The following VPS35L variants were observed in gnomAD, a reference collection of about 807,000 sequenced individuals.
VPS35L encodes VPS35 endosomal protein sorting factor like, also known as VPS35 endosomal protein-sorting factor-like.
A neutral mutation model predicts 133.0 loss-of-function variants in VPS35L; 83 were observed. The observed-to-expected ratio is 0.62, with a 90% CI of 0.52 to 0.75. The LOEUF (loss-of-function observed/expected upper bound fraction) is 0.75, where lower values mean the gene tolerates loss of function less well. Among genes scored for constraint, VPS35L ranks in the 30% least tolerant of loss-of-function variants. VPS35L has a pLI of 0.00. For synonymous variants in VPS35L, 423 were observed against 449.9 expected, an observed-to-expected ratio of 0.94 and a Z score of 0.76; for missense variants, 1,083 against 1,206.8, an observed-to-expected ratio of 0.90 and a Z score of 1.52.
chr16:19,662,263 G>A (rs1054934294), intron 26 of VPS35L, among the ~76,000 whole-genome samples: 1 of 152,052 alleles, frequency 6.6e-6, no homozygotes, highest in African/African-American at 2.4e-5. Context: ...CTAGCACTTT[G>A]GGAGGCAGAG....
In VPS35L at chr16:19,610,216, T is replaced by C. The variant is rs112397562; in HGVS notation, c.930-106T>C. 5.9e-3 allele frequency: 5,574 copies of C among 939,574 alleles called. 141 individuals are homozygous for C. In the African/African-American group the frequency reaches 0.063, roughly 11 times the overall value. The allele number at this position is 939,574 out of a possible 1,614,324, so 58.2% of individuals were successfully genotyped here. On this transcript the variant is annotated intron_variant, in intron 11 of 30. Transcript: ENST00000417362. The stretch of plus-strand genomic sequence containing the variant: ...TGGTTTGTTACTGAAACTTGATTTT[T>C]CCCCCCCTCCCTGAAATTTAGGAAG...
At chr16:19,648,900 A>G (rs1974039128) in intron 24 of VPS35L, among the ~76,000 whole-genome samples, 1 of 148,944 alleles carries the variant, frequency 6.7e-6, no homozygotes, top group Admixed American at 6.7e-5. Context: ...AAAAAAAGTT[A>G]GGTTCAGACA....
intron 27 of VPS35L, 33 bp downstream of exon 27, chr16:19,669,332 C>T (rs371998449): frequency 3.3e-5 from 52 of 1,579,708 alleles, no homozygotes; most frequent in Non-Finnish European, 4.0e-5. Flanking sequence ...CAGGACATGT[C>T]TTCCTTTCAC....
intron 12 of VPS35L, among the ~76,000 whole-genome samples, chr16:19,612,174 T>G (rs970618103): frequency 6.6e-6 from 1 of 152,112 alleles, no homozygotes; most frequent in East Asian, 1.9e-4. Context: ...CTTGACCTCA[T>G]GATCCGCCTG....
At chr16:19,646,982 C>T (rs951977791) in intron 23 of VPS35L, among the ~76,000 whole-genome samples, 1 of 152,164 alleles carries the variant, frequency 6.6e-6, no homozygotes, top group Non-Finnish European at 1.5e-5. Context: ...CCAAAGCTGA[C>T]TGAGATGAAA....
chr16:19,626,618 C>T (rs901577415), intron 15 of VPS35L, among the ~76,000 whole-genome samples: 9 of 151,798 alleles, frequency 5.9e-5, no homozygotes, highest in African/African-American at 1.7e-4. Flanking sequence ...AATAACTAGC[C>T]GGGCTTGGTG....
chr16:19,625,167 ATCCCAGTCTGCCCAGGTTCATG>A (rs1221025735), intron 14 of VPS35L, among the ~76,000 whole-genome samples: 1 of 152,138 alleles, frequency 6.6e-6, no homozygotes, highest in African/African-American at 2.4e-5. Context: ...GTGGCCTTTG[ATCCCAGTCTGCCCAGGTTCATG>A]TCTGCCTGCC....
chr16:19,620,143 T>C (rs997246628), intron 14 of VPS35L, among the ~76,000 whole-genome samples: 1 of 152,184 alleles, frequency 6.6e-6, no homozygotes, highest in Non-Finnish European at 1.5e-5. Context: ...CGCCATAGAA[T>C]GTTTAAAATA....
rs75258350 is a variant in VPS35L, at chr16:19,608,294, T to C, written c.881+20T>C. On this transcript the variant is annotated intron_variant, in intron 10 of 30. Transcript: ENST00000417362. ...AAGATTGTATCCTTTTTTTTTTTTT[T>C]GGTCTGATGATTTTAAAGATAGGCT... 28 of 1,331,756 alleles carry C rather than the reference T, an allele frequency of 2.1e-5. No homozygotes were observed. Among genetic ancestry groups the C allele is most frequent in the Non-Finnish European group, 2.9e-5 (27 of 929,130 alleles). The allele number at this position is 1,331,756 out of a possible 1,614,324, so 82.5% of individuals were successfully genotyped here.
chr16:19,647,059 T>C (rs7197579), intron 23 of VPS35L, among the ~76,000 whole-genome samples: 70,125 of 152,068 alleles, frequency 0.46, 17,970 homozygotes, highest in African/African-American at 0.69. Flanking sequence ...TTGATTAGTC[T>C]ACCTGACTCT....
intron 27 of VPS35L, among the ~76,000 whole-genome samples, chr16:19,672,580 G>A (rs538869100): frequency 1.3e-5 from 2 of 152,186 alleles, no homozygotes; most frequent in Non-Finnish European, 2.9e-5. Flanking sequence ...AGAGGGGAGC[G>A]AGGTCAGGAG....
chr16:19,596,582 A>G (rs1004907241), intron 8 of VPS35L, among the ~76,000 whole-genome samples: 4 of 151,932 alleles, frequency 2.6e-5, no homozygotes, highest in Non-Finnish European at 4.4e-5. Flanking sequence ...GCCTAAATGC[A>G]TGTACATTTA....
At position 19,633,508 on chromosome 16, in the gene VPS35L, A is replaced by T. The variant is rs72767580; in HGVS notation, c.1635+336A>T. On this transcript the variant is annotated intron_variant, in intron 19 of 30. Coordinates refer to ENST00000417362, the MANE Select transcript of VPS35L (RefSeq NM_020314.7). This position sits in a 1 kb window ranked among gnomAD's most constrained non-coding sequence, Gnocchi z 4.1. ...GTAAACTGCGAGTATTTTTAGTTAA[A>T]TCAACTTTGTTTTTTCCTTTTTTTT... Among the ~76,000 whole-genome samples, 12,863 of 152,250 alleles carry T rather than the reference A, an allele frequency of 0.084. 794 individuals carry two copies. The highest frequency in any genetic ancestry group is 0.11 in the Non-Finnish European group (7,809 of 68,002).
chr16:19,572,625 T>A (rs537087359), intron 3 of VPS35L, among the ~76,000 whole-genome samples: 1 of 152,302 alleles, frequency 6.6e-6, no homozygotes, highest in East Asian at 1.9e-4. Context: ...ATCCTTTCCT[T>A]AATTCTTAAT....
At chr16:19,683,169 C>T (rs754229370) in intron 28 of VPS35L, among the ~76,000 whole-genome samples, 2 of 152,096 alleles carry the variant, frequency 1.3e-5, no homozygotes, top group Non-Finnish European at 2.9e-5. Flanking sequence ...GTAATCTACC[C>T]GTCTCAGCCT....
chr16:19,651,540 GT>G (rs752761162), intron 25 of VPS35L, among the ~76,000 whole-genome samples: 10 of 152,116 alleles, frequency 6.6e-5, no homozygotes, highest in Non-Finnish European at 1.5e-4. Context: ...ATGTGTCTGT[GT>G]TTTTAAACAT....
At chr16:19,599,448 A>G (rs1430275394) in intron 8 of VPS35L, among the ~76,000 whole-genome samples, 5 of 152,182 alleles carry the variant, frequency 3.3e-5, no homozygotes, top group Non-Finnish European at 7.3e-5. Flanking sequence ...GTCTGCCTAA[A>G]TCAGTGGTTC....
chr16:19,669,317 A>G lies in VPS35L; in HGVS notation c.2361+18A>G. 1 of 1,597,830 alleles carries G rather than the reference A, an allele frequency of 6.3e-7. No individual in the cohort carries two copies. The highest frequency in any genetic ancestry group is 8.6e-7 in the Non-Finnish European group (1 of 1,168,400). ...TAGTTCCGGTACGTTTCCTCAGCAG[A>G]ACCGCAGGACATGTCTTCCTTTCAC... On this transcript the variant is annotated intron_variant, in intron 27 of 30. Transcript: ENST00000417362.
intron 27 of VPS35L, among the ~76,000 whole-genome samples, chr16:19,681,415 G>T (rs2151617455): frequency 6.6e-6 from 1 of 152,290 alleles, no homozygotes; most frequent in Middle Eastern, 3.4e-3. Context: ...TTCCAATCGT[G>T]CTGTTCTCCC....
Sources: gnomAD v4.1 joint callset for allele counts (sites outside exome capture counted in the v4.1 genomes callset) on GRCh38, gnomAD v4.1.1 for gene constraint, Gnocchi (gnomAD v3.1) non-coding constraint, MANE v1.5 for transcripts, NCBI Gene and HGNC (gene_info 2026-07-23, HGNC 2026-07-21) for gene names.